Variants in KLRF2 observed in about 807,000 individuals in gnomAD.
KLRF2 encodes the protein killer cell lectin-like receptor subfamily F member 2.
Under a neutral mutation model 25.3 loss-of-function variants are expected in KLRF2, and 28 were observed. That is an observed-to-expected ratio of 1.11 (90% CI 0.82 to 1.52). The LOEUF is 1.52. Among genes scored for constraint, KLRF2 ranks in the 40% most tolerant of loss-of-function variants. The pLI is 0.00. For synonymous variants in KLRF2, 73 were observed against 85.0 expected (o/e 0.86, Z 0.78); for missense variants, 265 against 245.8 (o/e 1.08, Z -0.52).
intron 4 of KLRF2, 75 bp from the exon 5 acceptor site, chr12:9,893,354 C>A: frequency 1.2e-6 from 1 of 818,204 alleles, no homozygotes; most frequent in Non-Finnish European, 1.9e-6. Context: ...AATGCCGGCA[C>A]AGAGACTTAC....
At chr12:9,887,891 A>C (rs974990155) in intron 2 of KLRF2, among the ~76,000 whole-genome samples, 6 of 151,630 alleles carry the variant, frequency 4.0e-5, no homozygotes, top group African/African-American at 1.2e-4. Flanking sequence ...GTCCCTAATA[A>C]AAAAATACAC....
In KLRF2 at chr12:9,889,525, G is replaced by T. The variant is rs535840152; in HGVS notation, c.217+745G>T. Reference sequence around the variant, plus strand: ...ACCTCCAGACTTCCTTCAGACTGAAGATATAATATTAATTTTTCCTGGGTT... The same window carrying T: ...ACCTCCAGACTTCCTTCAGACTGAATATATAATATTAATTTTTCCTGGGTT... On this transcript the variant is annotated intron_variant, in intron 3 of 5. Coordinates refer to ENST00000535540, the MANE Select transcript of KLRF2 (RefSeq NM_001190765.1). 5.9e-5 allele frequency among the ~76,000 whole-genome samples: 9 copies of T among 152,230 alleles called. No individual in the cohort carries two copies. In the East Asian group the frequency reaches 1.7e-3, roughly 29 times the overall value.
chr12:9,881,784 C>A, intron 1 of KLRF2, 119 bp downstream of exon 1: 2 of 758,312 alleles, frequency 2.6e-6, no homozygotes, highest in South Asian at 1.9e-5. Context: ...TAAAAATGGT[C>A]ATAAATTGTC....
At position 9,895,772 on chromosome 12, in the gene KLRF2, C is replaced by T. The variant is rs144931415; in HGVS notation, c.563C>T (p.Thr188Ile). 8 of 1,535,730 alleles carry T rather than the reference C, an allele frequency of 5.2e-6. No individual in the cohort carries two copies. Among genetic ancestry groups the T allele is most frequent in the Non-Finnish European group, 7.0e-6 (8 of 1,146,716 alleles). ...GTGTATTCTGAAGACTGTAGCTCCA[C>T]ATTTAAGGGCATTTGCCAGAGAGAT... ...NWVYSEDCSS[T>I]FKGICQRDAI... is the part of the protein sequence containing the mutation. Residue 188 changes from threonine to isoleucine, a missense_variant, in exon 6 of 6, where the codon ACA becomes ATA. Coordinates refer to ENST00000535540, the MANE Select transcript of KLRF2 (RefSeq NM_001190765.1).
intron 2 of KLRF2, among the ~76,000 whole-genome samples, chr12:9,885,434 A>G (rs1862584001): frequency 1.3e-5 from 2 of 151,742 alleles, no homozygotes; most frequent in Non-Finnish European, 3.0e-5. Context: ...TACTGTAGCT[A>G]TTCTATTTGA....
chr12:9,890,891 G>C (rs1862669167), intron 3 of KLRF2, among the ~76,000 whole-genome samples: 1 of 152,130 alleles, frequency 6.6e-6, no homozygotes, highest in Non-Finnish European at 1.5e-5. Flanking sequence ...TCCTAACAAA[G>C]CTAGCAAAAA....
chr12:9,884,196 T>C (rs188842441), intron 1 of KLRF2, among the ~76,000 whole-genome samples: 25 of 152,240 alleles, frequency 1.6e-4, no homozygotes, highest in Admixed American at 1.4e-3. Context: ...TACATGCCCC[T>C]GTTTAACCTC....
intron 5 of KLRF2, among the ~76,000 whole-genome samples, chr12:9,894,928 A>G (rs998842484): frequency 1.6e-4 from 24 of 152,186 alleles, no homozygotes; most frequent in Non-Finnish European, 8.8e-5. Context: ...AAAAGCTTTT[A>G]TCTTATCATT....
intron 2 of KLRF2, among the ~76,000 whole-genome samples, chr12:9,888,236 ATC>A (rs1417652757): frequency 6.6e-6 from 1 of 151,978 alleles, no homozygotes; most frequent in Non-Finnish European, 1.5e-5. Flanking sequence ...CACACCTGTA[ATC>A]TCAGCACTTT....
intron 1 of KLRF2, among the ~76,000 whole-genome samples, chr12:9,884,072 T>C (rs926418277): frequency 6.6e-6 from 1 of 152,156 alleles, no homozygotes; most frequent in Admixed American, 6.5e-5. Flanking sequence ...AATTATATGA[T>C]GTCTGCATAT....
At chr12:9,882,632 T>A (rs1351950930) in intron 1 of KLRF2, among the ~76,000 whole-genome samples, 1 of 151,904 alleles carries the variant, frequency 6.6e-6, no homozygotes, top group East Asian at 1.9e-4. Context: ...ACAAAAAAAA[T>A]TAGCTGGGTA....
At chr12:9,885,161 T>C (rs1204927915) in intron 2 of KLRF2, 129 bp downstream of exon 2, 1 of 333,574 alleles carries the variant, frequency 3.0e-6, no homozygotes, top group East Asian at 4.5e-5. Flanking sequence ...TAAAATTATA[T>C]TAAATTTAAA....
intron 3 of KLRF2, 27 bp downstream of exon 3, chr12:9,888,807 C>T (rs1431986095): frequency 1.4e-6 from 2 of 1,397,370 alleles, no homozygotes; most frequent in Admixed American, 4.0e-5. Context: ...TTGTTATGTG[C>T]TACTCTTAGG....
chr12:9,881,530 G>A lies in KLRF2; in HGVS notation c.-66G>A, dbSNP rs1270695926. The A allele has an allele frequency of 1.7e-6, 2 of 1,189,250 alleles. No homozygotes were observed. Among genetic ancestry groups the A allele is most frequent in the African/African-American group, 1.5e-5 (1 of 66,020 alleles). 73.7% of individuals were successfully genotyped at this position (1,189,250 alleles called of 1,614,324 possible). Reference sequence around the variant, plus strand: ...CTTGTGCCAAAGAGACATATCCAAGGTTGAGATTAGTTTCCATTTTCTTTG... The same window carrying A: ...CTTGTGCCAAAGAGACATATCCAAGATTGAGATTAGTTTCCATTTTCTTTG... On this transcript the variant is annotated 5_prime_UTR_variant, in exon 1 of 6. Transcript: ENST00000535540.
At chr12:9,884,535 T>G (rs1868129561) in intron 1 of KLRF2, among the ~76,000 whole-genome samples, 2 of 149,920 alleles carry the variant, frequency 1.3e-5, no homozygotes, top group African/African-American at 2.4e-5. Context: ...TATATACATT[T>G]TATATATTAT....
intron 2 of KLRF2, among the ~76,000 whole-genome samples, chr12:9,887,181 A>G (rs545934043): frequency 6.6e-6 from 1 of 152,304 alleles, no homozygotes; most frequent in East Asian, 1.9e-4. Context: ...ATTTCTCAAG[A>G]GTAAAAGCAA....
At chr12:9,892,578 TGC>T (rs1399305043) in intron 3 of KLRF2, among the ~76,000 whole-genome samples, 1 of 133,242 alleles carries the variant, frequency 7.5e-6, no homozygotes, top group East Asian at 2.1e-4. Flanking sequence ...TTTACAGAAC[TGC>T]TTTTTTTTTT....
intron 4 of KLRF2, 127 bp from the exon 5 acceptor site, chr12:9,893,302 C>A: frequency 4.5e-6 from 4 of 887,958 alleles, no homozygotes; most frequent in South Asian, 2.1e-5. Flanking sequence ...CACTATTGTT[C>A]ATGAAAAAAA....
chr12:9,889,294 G>A (rs2137000130), intron 3 of KLRF2, among the ~76,000 whole-genome samples: 1 of 152,292 alleles, frequency 6.6e-6, no homozygotes, highest in African/African-American at 2.4e-5. Context: ...AATTTTCTGT[G>A]TCAACTTGGC....
Sources: allele counts gnomAD v4.1 joint callset (sites outside exome capture counted in the v4.1 genomes callset), GRCh38; gene constraint gnomAD v4.1.1; transcripts MANE v1.5; gene names NCBI Gene and HGNC (gene_info 2026-07-23, HGNC 2026-07-21).